Variants in ADAMTS6 observed in about 807,000 individuals in gnomAD.
ADAMTS6 encodes ADAM metallopeptidase with thrombospondin type 1 motif 6.
Under a neutral mutation model 144.3 loss-of-function variants are expected in ADAMTS6, and 23 were observed. The observed-to-expected ratio is 0.16, with a 90% CI of 0.11 to 0.23. The LOEUF (loss-of-function observed/expected upper bound fraction) is 0.23. Among genes scored for constraint, ADAMTS6 ranks in the 10% least tolerant of loss-of-function variants. The pLI is 1.00. For synonymous variants in ADAMTS6, 444 were observed against 457.5 expected (o/e 0.97, Z 0.38); for missense variants, 999 against 1,379.6 (o/e 0.72, Z 4.37).
intron 24 of ADAMTS6, among the ~76,000 whole-genome samples, chr5:65,158,159 G>C (rs1194143801): frequency 6.6e-6 from 1 of 152,108 alleles, no homozygotes; most frequent in Non-Finnish European, 1.5e-5. Context: ...AAAAAAACTG[G>C]CCTTCCTCAC....
chr5:65,188,660 AC>A (rs1289138983), intron 21 of ADAMTS6, among the ~76,000 whole-genome samples: 1 of 151,856 alleles, frequency 6.6e-6, no homozygotes, highest in Non-Finnish European at 1.5e-5. Flanking sequence ...TAGTGTAAAA[AC>A]CTCACTATGG....
intron 7 of ADAMTS6, among the ~76,000 whole-genome samples, chr5:65,439,030 C>T (rs1014665578): frequency 3.9e-5 from 6 of 152,054 alleles, no homozygotes; most frequent in African/African-American, 1.4e-4. Context: ...TGGCAGTCTT[C>T]TGATTTGAGG....
chr5:65,448,843 G>C (rs955065094), intron 7 of ADAMTS6, among the ~76,000 whole-genome samples: 1 of 151,976 alleles, frequency 6.6e-6, no homozygotes, highest in African/African-American at 2.4e-5. Flanking sequence ...TAAACAGTCA[G>C]GTCACACCCC....
At chr5:65,244,073 T>C (rs1759432738) in intron 14 of ADAMTS6, among the ~76,000 whole-genome samples, 1 of 152,106 alleles carries the variant, frequency 6.6e-6, no homozygotes, top group African/African-American at 2.4e-5. Context: ...TATGATTAGC[T>C]AGGGATATAT....
intron 3 of ADAMTS6, among the ~76,000 whole-genome samples, 176 bp from the exon 4 acceptor site, chr5:65,460,514 T>C (rs1317459454): frequency 6.6e-6 from 1 of 152,216 alleles, no homozygotes; most frequent in Non-Finnish European, 1.5e-5. Flanking sequence ...AATGTTCCTA[T>C]TCTTTAAAAA....
intron 9 of ADAMTS6, among the ~76,000 whole-genome samples, chr5:65,304,640 C>T (rs1000779323): frequency 2.0e-5 from 3 of 152,096 alleles, no homozygotes; most frequent in Non-Finnish European, 4.4e-5. Context: ...CTATGTTACC[C>T]AGGCTGATCT....
At chr5:65,412,811 T>C (rs908677703) in intron 7 of ADAMTS6, among the ~76,000 whole-genome samples, 5 of 152,164 alleles carry the variant, frequency 3.3e-5, no homozygotes, top group Non-Finnish European at 5.9e-5. Context: ...AAATTAGCAG[T>C]TGAAGTAATT....
chr5:65,395,712 G>A (rs1302487714), intron 7 of ADAMTS6, among the ~76,000 whole-genome samples: 2 of 151,986 alleles, frequency 1.3e-5, no homozygotes, highest in Admixed American at 1.3e-4. Context: ...GTACTTAATG[G>A]GCTGTTAATA....
At chr5:65,416,452 G>A (rs1380884528) in intron 7 of ADAMTS6, among the ~76,000 whole-genome samples, 1 of 152,126 alleles carries the variant, frequency 6.6e-6, no homozygotes, top group Non-Finnish European at 1.5e-5. Context: ...ATATATCCAT[G>A]AGAATTGAAA....
chr5:65,298,980 A>C (rs543643371), intron 10 of ADAMTS6, among the ~76,000 whole-genome samples: 1 of 152,206 alleles, frequency 6.6e-6, no homozygotes, highest in South Asian at 2.1e-4. Context: ...ATTTTAATAT[A>C]AACTTTGAAC....
At chr5:65,154,207 C>CA (rs1752283321) in intron 24 of ADAMTS6, among the ~76,000 whole-genome samples, 1 of 152,196 alleles carries the variant, frequency 6.6e-6, no homozygotes, top group East Asian at 1.9e-4. Context: ...GACTCCGTCT[C>CA]AAAAAACAAA....
chr5:65,414,994 T>C (rs769800610), intron 7 of ADAMTS6, among the ~76,000 whole-genome samples: 13 of 152,188 alleles, frequency 8.5e-5, no homozygotes, highest in Non-Finnish European at 1.8e-4. Context: ...TTGGAATTCA[T>C]TGAAAATAAA....
At chr5:65,252,096 G>T (rs2112546256) in intron 14 of ADAMTS6, among the ~76,000 whole-genome samples, 1 of 152,254 alleles carries the variant, frequency 6.6e-6, no homozygotes, top group Non-Finnish European at 1.5e-5. Flanking sequence ...AAGCAAAAAA[G>T]AGTCCTATAA....
intron 18 of ADAMTS6, among the ~76,000 whole-genome samples, chr5:65,219,077 G>GA (rs910905585): frequency 4.0e-5 from 6 of 151,548 alleles, no homozygotes; most frequent in South Asian, 2.1e-4. Flanking sequence ...GGATTAAACG[G>GA]AAAAAAAACA....
intron 7 of ADAMTS6, among the ~76,000 whole-genome samples, chr5:65,427,591 G>C (rs1756650879): frequency 6.6e-6 from 1 of 152,154 alleles, no homozygotes; most frequent in African/African-American, 2.4e-5. Flanking sequence ...GAGGTCAAGA[G>C]ATCGAGACCA....
At position 65,307,415 on chromosome 5, in the gene ADAMTS6, C is replaced by T. The variant is rs180885239; in HGVS notation, c.1224-7284G>A. Among the ~76,000 whole-genome samples the T allele has an allele frequency of 1.5e-3, 227 of 152,256 alleles. 3 individuals are homozygous for T. The highest frequency in any genetic ancestry group is 4.6e-3 in the African/African-American group (190 of 41,540). On this transcript the variant is annotated intron_variant, in intron 9 of 24. Coordinates refer to ENST00000381055, the MANE Select transcript of ADAMTS6 (RefSeq NM_197941.4). Reference sequence around the variant, plus strand: ...AAGTGAACTGAATCTCAGTGGAGGTCGATTTATTTCATTTGGATAAACTGA... The same window carrying T: ...AAGTGAACTGAATCTCAGTGGAGGTTGATTTATTTCATTTGGATAAACTGA...
chr5:65,224,526 G>C (rs1757576956), intron 17 of ADAMTS6, 126 bp from the exon 18 acceptor site: 3 of 795,096 alleles, frequency 3.8e-6, no homozygotes. Context: ...TATGAATTAT[G>C]AAATATGGGC....
At chr5:65,163,044 T>C (rs1282833189) in intron 24 of ADAMTS6, among the ~76,000 whole-genome samples, 1 of 152,090 alleles carries the variant, frequency 6.6e-6, no homozygotes. Flanking sequence ...CAAGGAGCTA[T>C]GACTACAGCC....
intron 3 of ADAMTS6, among the ~76,000 whole-genome samples, chr5:65,466,346 T>C (rs1435614930): frequency 6.6e-6 from 1 of 152,200 alleles, no homozygotes; most frequent in Admixed American, 6.5e-5. Flanking sequence ...TACTTTAAAA[T>C]TTCTACCTGG....
Sources: gnomAD v4.1 joint callset for allele counts (sites outside exome capture counted in the v4.1 genomes callset) on GRCh38, gnomAD v4.1.1 for gene constraint, MANE v1.5 for transcripts, NCBI Gene and HGNC (gene_info 2026-07-23, HGNC 2026-07-21) for gene names.